The following EEPD1 variants were observed in gnomAD, a reference collection of about 807,000 sequenced individuals.
The protein encoded by EEPD1 is endonuclease/exonuclease/phosphatase family domain containing 1.
EEPD1 carries 17 observed loss-of-function variants against 46.3 expected under a neutral mutation model. The ratio of observed to expected loss-of-function variants is 0.37; its 90% confidence interval spans 0.25 to 0.55. The LOEUF is 0.55. Among genes scored for constraint, EEPD1 ranks in the 20% least tolerant of loss-of-function variants. EEPD1 has a pLI of 0.83. For missense variants in EEPD1, 673 were observed against 745.6 expected, an observed-to-expected ratio of 0.90 and a Z score of 1.13; for synonymous variants, 313 against 315.6, an observed-to-expected ratio of 0.99 and a Z score of 0.09.
At chr7:36,276,228 A>G (rs56792725) in intron 3 of EEPD1, among the ~76,000 whole-genome samples, 3,213 of 152,304 alleles carry the variant, frequency 0.021, 127 homozygotes, top group African/African-American at 0.074. Context: ...AGGTTTCAGT[A>G]AAGAAGCCGG....
chr7:36,285,879 T>TG (rs1787335381), intron 5 of EEPD1, among the ~76,000 whole-genome samples: 1 of 152,170 alleles, frequency 6.6e-6, no homozygotes, highest in Admixed American at 6.5e-5. Context: ...GTGCTCACCC[T>TG]GGGGGTATCT....
At chr7:36,171,506 A>G (rs1785081313) in intron 2 of EEPD1, among the ~76,000 whole-genome samples, 1 of 152,206 alleles carries the variant, frequency 6.6e-6, no homozygotes, top group African/African-American at 2.4e-5. Flanking sequence ...TTCAGACATC[A>G]TTGATTGAAT....
At chr7:36,288,802 G>A (rs185119821) in intron 6 of EEPD1, among the ~76,000 whole-genome samples, 4 of 151,406 alleles carry the variant, frequency 2.6e-5, no homozygotes, top group South Asian at 2.1e-4. Flanking sequence ...CAGGACAAAG[G>A]GGGGCTATGC....
chr7:36,296,030 CAAAAAAAAAAAA>C (rs34494609), intron 6 of EEPD1, among the ~76,000 whole-genome samples: 28 of 71,952 alleles, frequency 3.9e-4, no homozygotes, highest in African/African-American at 1.7e-3. Flanking sequence ...GACTGTCTCA[CAAAAAAAAAAAA>C]AAAAAAAAAA....
At chr7:36,272,505 TG>T (rs771975035) in intron 3 of EEPD1, among the ~76,000 whole-genome samples, 1 of 125,846 alleles carries the variant, frequency 7.9e-6, no homozygotes, top group Non-Finnish European at 1.7e-5. Flanking sequence ...TTTTTGTTGT[TG>T]TTTTTTTTTT....
In EEPD1 at chr7:36,193,416, A is replaced by G. The variant is rs2726104; in HGVS notation, c.878+38214A>G. Among the ~76,000 whole-genome samples the G allele has an allele frequency of 0.14, 21,495 of 152,178 alleles. 1,632 individuals are homozygous for G. The highest frequency in any genetic ancestry group is 0.17 in the Non-Finnish European group (11,308 of 67,976). On this transcript the variant is annotated intron_variant, in intron 2 of 7. Transcript: ENST00000242108. This position sits in a 1 kb window ranked among gnomAD's most constrained non-coding sequence, Gnocchi z 4.9. ...ACACAGGAGGACAAAGGAGAGATGC[A>G]GCTAGATGAGGAGAGAACAGCCACT...
intron 2 of EEPD1, among the ~76,000 whole-genome samples, chr7:36,175,934 C>T (rs73686963): frequency 0.019 from 2,863 of 152,280 alleles, 101 homozygotes; most frequent in African/African-American, 0.065. Context: ...ACTGCCGGGT[C>T]CCTGTGAGGT....
At chr7:36,248,779 G>A (rs1396742188) in intron 3 of EEPD1, among the ~76,000 whole-genome samples, 1 of 152,042 alleles carries the variant, frequency 6.6e-6, no homozygotes. Context: ...CAGGAAGATG[G>A]CAACTTCTCC....
chr7:36,201,682 C>G (rs1785714456), intron 2 of EEPD1, among the ~76,000 whole-genome samples: 1 of 152,182 alleles, frequency 6.6e-6, no homozygotes, highest in Non-Finnish European at 1.5e-5. Flanking sequence ...AACTCCTCTT[C>G]TTTCCTTCTT....
chr7:36,213,585 C>G (rs1393635827), intron 2 of EEPD1, among the ~76,000 whole-genome samples: 1 of 152,152 alleles, frequency 6.6e-6, no homozygotes, highest in Admixed American at 6.5e-5. Flanking sequence ...GGAAAGAGCA[C>G]AGAAGACAGG....
chr7:36,253,899 T>C (rs1022584478), intron 3 of EEPD1, among the ~76,000 whole-genome samples: 2 of 152,196 alleles, frequency 1.3e-5, no homozygotes, highest in African/African-American at 4.8e-5. Flanking sequence ...TACCTTTTTA[T>C]TGGATTGTTT....
chr7:36,162,620 A>G (rs569962795), intron 2 of EEPD1, among the ~76,000 whole-genome samples: 1 of 152,248 alleles, frequency 6.6e-6, no homozygotes, highest in East Asian at 1.9e-4. Context: ...CTCCAGCCTG[A>G]GCACAGAGCG....
chr7:36,172,091 G>T (rs1324822963), intron 2 of EEPD1, among the ~76,000 whole-genome samples: 1 of 152,014 alleles, frequency 6.6e-6, no homozygotes, highest in Non-Finnish European at 1.5e-5. Context: ...GGGGACTCAG[G>T]GCTCTTCTGT....
intron 4 of EEPD1, 67 bp from the exon 5 acceptor site, chr7:36,284,594 ACTGCCTCTCGGTCTCTCTGGCCTCT>A (rs1157418015): frequency 6.8e-7 from 1 of 1,478,836 alleles, no homozygotes; most frequent in Non-Finnish European, 9.1e-7. Context: ...AGTAGGGCCT[ACTGCCTCTCGGTCTCTCTGGCCTCT>A]CTGCCTCCTT....
intron 2 of EEPD1, among the ~76,000 whole-genome samples, chr7:36,219,804 A>AGGGTGTGTGTGT (rs770071168): frequency 2.3e-5 from 2 of 87,616 alleles, no homozygotes; most frequent in Non-Finnish European, 4.6e-5. Flanking sequence ...AGAGAGAGAG[A>AGGGTGTGTGTGT]GAGTGTGTGT....
chr7:36,299,436 G>T lies in EEPD1; in HGVS notation c.*230G>T. 3 of 586,686 alleles carry T rather than the reference G, an allele frequency of 5.1e-6. No homozygotes were observed. Among genetic ancestry groups the T allele is most frequent in the Admixed American group, 6.1e-5 (2 of 32,924 alleles). The allele number at this position is 586,686 out of a possible 1,614,324, so 36.3% of individuals were successfully genotyped here. A position where few individuals can be genotyped will look rare whatever the true frequency, so the allele number is the denominator to read the frequency against. ...GGCAAAGCAGAAACCTGCGGGGAGCGGAGACGCCTTTTATCTCTGGATGCC... is the reference window on the plus strand; with the variant it reads ...GGCAAAGCAGAAACCTGCGGGGAGCTGAGACGCCTTTTATCTCTGGATGCC... On this transcript the variant is annotated 3_prime_UTR_variant, in exon 8 of 8. Coordinates refer to ENST00000242108, the MANE Select transcript of EEPD1 (RefSeq NM_030636.3).
At chr7:36,250,605 C>G (rs945075105) in intron 3 of EEPD1, among the ~76,000 whole-genome samples, 3 of 152,170 alleles carry the variant, frequency 2.0e-5, no homozygotes, top group African/African-American at 7.2e-5. Context: ...GTGACAGAGA[C>G]AGTATAGCCC....
intron 3 of EEPD1, among the ~76,000 whole-genome samples, chr7:36,280,658 A>G (rs183871648): frequency 1.2e-3 from 177 of 152,306 alleles, no homozygotes; most frequent in South Asian, 1.9e-3. Context: ...CGGTGGTTCA[A>G]GTTGAAGCTG....
In EEPD1 at chr7:36,249,036, T is replaced by C. The variant is rs1025307438; in HGVS notation, c.930+10000T>C. Among the ~76,000 whole-genome samples the C allele has an allele frequency of 3.6e-4, 17 of 46,664 alleles. No individual in the cohort carries two copies. In the East Asian group the frequency reaches 5.5e-3, roughly 15 times the overall value. 30.6% of individuals were successfully genotyped at this position (46,664 alleles called of 152,430 possible). A position where few individuals can be genotyped will look rare whatever the true frequency, so the allele number is the denominator to read the frequency against. On this transcript the variant is annotated intron_variant, in intron 3 of 7. Coordinates refer to ENST00000242108, the MANE Select transcript of EEPD1 (RefSeq NM_030636.3). Reference sequence around the variant, plus strand: ...ACACACACACACACACACACACACATTTTCTCCTTATTCTTTGAAAATCAT... The same window carrying C: ...ACACACACACACACACACACACACACTTTCTCCTTATTCTTTGAAAATCAT...
Sources: gnomAD v4.1 joint callset for allele counts (sites outside exome capture counted in the v4.1 genomes callset) on GRCh38, gnomAD v4.1.1 for gene constraint, Gnocchi (gnomAD v3.1) non-coding constraint, MANE v1.5 for transcripts, NCBI Gene and HGNC (gene_info 2026-07-23, HGNC 2026-07-21) for gene names.